Variants in EVI5 observed in about 807,000 individuals in gnomAD.
EVI5 encodes ecotropic viral integration site 5 protein homolog.
A neutral mutation model predicts 112.0 loss-of-function variants in EVI5; 73 were observed. That is an observed-to-expected ratio of 0.65 (90% CI 0.54 to 0.79). The LOEUF (loss-of-function observed/expected upper bound fraction) is 0.79, where lower values mean the gene tolerates loss of function less well. Among genes scored for constraint, EVI5 ranks in the 30% least tolerant of loss-of-function variants. The probability of loss-of-function intolerance (pLI) is 0.00; values close to 1 mark genes in which losing one functional copy is unlikely to be tolerated. For missense variants in EVI5, 900 were observed against 968.8 expected (o/e 0.93, Z 0.94); for synonymous variants, 305 against 319.9 (o/e 0.95, Z 0.50).
chr1:92,568,771 C>T (rs1359551182), intron 18 of EVI5, among the ~76,000 whole-genome samples: 6 of 152,174 alleles, frequency 3.9e-5, no homozygotes, highest in Admixed American at 3.9e-4. Context: ...TGATCCACTT[C>T]CATTTAATGA....
intron 2 of EVI5, among the ~76,000 whole-genome samples, chr1:92,733,420 T>TTA (rs397761672): frequency 6.6e-6 from 1 of 151,548 alleles, no homozygotes; most frequent in African/African-American, 2.4e-5. Flanking sequence ...TTTTTTTTTT[T>TTA]AAATGAGACG....
At chr1:92,777,785 G>T (rs1289467959) in intron 1 of EVI5, among the ~76,000 whole-genome samples, 1 of 152,076 alleles carries the variant, frequency 6.6e-6, no homozygotes, top group African/African-American at 2.4e-5. Context: ...AGAAAGTTGT[G>T]TTATTGTTGT....
rs1455468568 is a variant in EVI5 at position 92,736,518 on chromosome 1, G to A, written c.29C>T (p.Thr10Ile). The A allele has an allele frequency of 6.2e-7, 1 of 1,613,772 alleles. No homozygotes were observed. Among genetic ancestry groups the A allele is most frequent in the South Asian group, 1.1e-5 (1 of 91,070 alleles). MASQVASPS[T>I]SLHTTSSSTT... ...AGATGAGGATGTGGTATGTAATGAA[G>A]TAGATGGACTTGCCACCTGACTGGC... Residue 10 changes from threonine (T) to isoleucine (I), a missense_variant, in exon 2 of 20, where the codon ACT (threonine) becomes ATT (isoleucine). Thr to Ile is a moderately conservative substitution (Grantham distance 89). Coordinates refer to ENST00000684568, the MANE Select transcript of EVI5 (RefSeq NM_001350197.2).
chr1:92,692,163 G>A (rs1163171110), intron 9 of EVI5, among the ~76,000 whole-genome samples: 2 of 152,140 alleles, frequency 1.3e-5, no homozygotes, highest in African/African-American at 4.8e-5. Context: ...GCACGAATAA[G>A]GAAGTGAAAG....
At chr1:92,625,957 T>C in intron 14 of EVI5, 23 bp from the exon 15 acceptor site, 1 of 1,521,266 alleles carries the variant, frequency 6.6e-7, no homozygotes, top group East Asian at 2.3e-5. Context: ...AAAATTTAAT[T>C]TGGGATTTTT....
intron 18 of EVI5, among the ~76,000 whole-genome samples, chr1:92,598,440 A>G (rs899767640): frequency 1.3e-5 from 2 of 152,200 alleles, no homozygotes; most frequent in African/African-American, 2.4e-5. Flanking sequence ...ATTGTTATGA[A>G]GAAAAAATAA....
intron 19 of EVI5, among the ~76,000 whole-genome samples, chr1:92,550,465 T>C (rs1666608585): frequency 6.6e-6 from 1 of 151,530 alleles, no homozygotes; most frequent in African/African-American, 2.4e-5. Flanking sequence ...CTGCATGTTG[T>C]GCACATGTAC....
At chr1:92,745,113 T>A (rs1208485037) in intron 1 of EVI5, among the ~76,000 whole-genome samples, 2 of 149,834 alleles carry the variant, frequency 1.3e-5, no homozygotes, top group Non-Finnish European at 3.0e-5. Flanking sequence ...TTTTTTTTTT[T>A]TTTTTGGTAG....
intron 10 of EVI5, among the ~76,000 whole-genome samples, chr1:92,675,193 A>G (rs1666521300): frequency 6.6e-6 from 1 of 152,160 alleles, no homozygotes; most frequent in African/African-American, 2.4e-5. Flanking sequence ...AAATACAAAA[A>G]ATTAGCCAGG....
intron 19 of EVI5, among the ~76,000 whole-genome samples, chr1:92,519,682 C>A (rs907895001): frequency 1.3e-5 from 2 of 151,832 alleles, no homozygotes; most frequent in South Asian, 4.2e-4. Context: ...CAGCTGAGGT[C>A]GGTACTTCGA....
rs577153385 is a variant in EVI5, at chr1:92,533,937, A to G, written c.2167-19967T>C. On this transcript the variant is annotated intron_variant, in intron 19 of 19. Coordinates refer to ENST00000684568, the MANE Select transcript of EVI5 (RefSeq NM_001350197.2). ...GTTGGAAGTTCTGGCCAGGGCAATC[A>G]GGTAAAAGAAAGAAATAAAGGGTAT... Among the ~76,000 whole-genome samples, 4 of 152,318 alleles carry G rather than the reference A, an allele frequency of 2.6e-5. No homozygotes were observed. In the East Asian group the frequency reaches 7.7e-4, roughly 29 times the overall value.
intron 2 of EVI5, among the ~76,000 whole-genome samples, chr1:92,716,010 T>A (rs1464859223): frequency 1.3e-5 from 2 of 152,160 alleles, no homozygotes; most frequent in Non-Finnish European, 2.9e-5. Flanking sequence ...GCTATCTCTA[T>A]AAACTCCACC....
intron 12 of EVI5, 49 bp from the exon 13 acceptor site, chr1:92,662,914 G>T: frequency 9.6e-7 from 1 of 1,044,354 alleles, no homozygotes; most frequent in Non-Finnish European, 1.2e-6. Context: ...ATAGATTCAA[G>T]AAAGACTGCC....
chr1:92,631,665 C>G (rs1289971466), intron 14 of EVI5, among the ~76,000 whole-genome samples: 2 of 152,102 alleles, frequency 1.3e-5, no homozygotes, highest in Admixed American at 6.6e-5. Context: ...AATGGAATAC[C>G]CTTTATTTCC....
chr1:92,646,160 A>C (rs1280829798), intron 13 of EVI5, among the ~76,000 whole-genome samples: 1 of 152,232 alleles, frequency 6.6e-6, no homozygotes, highest in African/African-American at 2.4e-5. Flanking sequence ...GTCTTTTTAA[A>C]AACAATTTAT....
intron 19 of EVI5, among the ~76,000 whole-genome samples, chr1:92,559,995 A>G (rs1668280833): frequency 1.3e-5 from 2 of 152,200 alleles, no homozygotes; most frequent in African/African-American, 2.4e-5. Context: ...ATCTCTTCAT[A>G]GTCACAGAAT....
intron 18 of EVI5, among the ~76,000 whole-genome samples, chr1:92,573,118 A>C (rs1670562423): frequency 6.6e-6 from 1 of 152,158 alleles, no homozygotes; most frequent in African/African-American, 2.4e-5. Context: ...TAATATGAAC[A>C]ACATACCCTA....
rs185327977 is a variant in EVI5 at position 92,696,857 on chromosome 1, T to C, written c.765+1003A>G. Among the ~76,000 whole-genome samples the C allele has an allele frequency of 6.4e-3, 968 of 151,970 alleles. 4 individuals carry two copies. The highest frequency in any genetic ancestry group is 0.01 in the Non-Finnish European group (700 of 67,954). Reference sequence around the variant, plus strand: ...ATCGAGACCATCCTGGCTAACATGGTGAAACCCCATCTCTACTAAAAAAAT... The same window carrying C: ...ATCGAGACCATCCTGGCTAACATGGCGAAACCCCATCTCTACTAAAAAAAT... On this transcript the variant is annotated intron_variant, in intron 6 of 19. Transcript: ENST00000684568.
chr1:92,625,346 G>A (rs1655441509), intron 15 of EVI5, among the ~76,000 whole-genome samples: 1 of 152,048 alleles, frequency 6.6e-6, no homozygotes, highest in African/African-American at 2.4e-5. Context: ...CCTCATACAT[G>A]AATAAATTTG....
Sources: allele counts gnomAD v4.1 joint callset (sites outside exome capture counted in the v4.1 genomes callset), GRCh38; gene constraint gnomAD v4.1.1; transcripts MANE v1.5; gene names NCBI Gene and HGNC (gene_info 2026-07-23, HGNC 2026-07-21).